NR1H4: variants seen among roughly 807,000 people sequenced by gnomAD.
NR1H4 encodes the protein bile acid receptor.
Under a neutral mutation model 58.5 loss-of-function variants are expected in NR1H4, and 23 were observed. The observed-to-expected ratio is 0.39, with a 90% CI of 0.28 to 0.56. NR1H4 has a LOEUF of 0.56. Ranked by LOEUF, NR1H4 falls within the 20% of genes least tolerant of loss-of-function variation. The pLI is 0.58. For missense variants in NR1H4, 487 were observed against 576.9 expected (o/e 0.84, Z 1.60); for synonymous variants, 214 against 198.0 (o/e 1.08, Z -0.68).
At chr12:100,488,622 T>C (rs2136093712) in intron 1 of NR1H4, among the ~76,000 whole-genome samples, 1 of 152,294 alleles carries the variant, frequency 6.6e-6, no homozygotes, top group South Asian at 2.1e-4. Context: ...GATAAAATTC[T>C]GCCATGAAGT....
intron 5 of NR1H4, among the ~76,000 whole-genome samples, chr12:100,534,653 T>C (rs1954772952): frequency 6.6e-6 from 1 of 152,198 alleles, no homozygotes; most frequent in Non-Finnish European, 1.5e-5. Flanking sequence ...CTCTATGAGG[T>C]AGATATTATT....
At chr12:100,491,564 G>T (rs571881609) in intron 1 of NR1H4, among the ~76,000 whole-genome samples, 18 of 150,872 alleles carry the variant, frequency 1.2e-4, no homozygotes, top group African/African-American at 3.9e-4. Flanking sequence ...GTCTCTAATG[G>T]CTAAGGCTTT....
chr12:100,556,661 TTTGGGAATGTGTG>T (rs1363205323), intron 9 of NR1H4, among the ~76,000 whole-genome samples: 1 of 152,214 alleles, frequency 6.6e-6, no homozygotes, highest in East Asian at 1.9e-4. Flanking sequence ...CCAAAGGCAA[TTTGGGAATGTGTG>T]TTGGATCAAG....
rs1218861836 is a variant in NR1H4 at position 100,519,477 on chromosome 12, A to G, written c.445+8334A>G. On this transcript the variant is annotated intron_variant, in intron 4 of 10. Transcript: ENST00000392986. ...CACCAGTGGGAAAGGTCTCTGTGAC[A>G]CCATCCTGGGGTACTGAGCACACTC... Among the ~76,000 whole-genome samples, 3 of 151,974 alleles carry G rather than the reference A, an allele frequency of 2.0e-5. No individual in the cohort carries two copies. In the East Asian group the frequency reaches 5.8e-4, roughly 29 times the overall value.
intron 1 of NR1H4, among the ~76,000 whole-genome samples, chr12:100,478,187 G>T (rs973985535): frequency 3.9e-5 from 6 of 152,102 alleles, no homozygotes; most frequent in Non-Finnish European, 5.9e-5. Context: ...CATGTGTGTG[G>T]GGGGTGGGGG....
intron 9 of NR1H4, among the ~76,000 whole-genome samples, chr12:100,549,927 G>A (rs549833897): frequency 6.6e-6 from 1 of 152,150 alleles, no homozygotes; most frequent in African/African-American, 2.4e-5. Context: ...TTATTCTTAT[G>A]CTAATACAAT....
intron 9 of NR1H4, among the ~76,000 whole-genome samples, chr12:100,544,104 TAGTC>T (rs1955002155): frequency 6.6e-6 from 1 of 151,564 alleles, no homozygotes; most frequent in Non-Finnish European, 1.5e-5. Flanking sequence ...TACAAACAAT[TAGTC>T]AGGCGTGGTG....
At chr12:100,545,656 A>C (rs1295258828) in intron 9 of NR1H4, among the ~76,000 whole-genome samples, 3 of 147,004 alleles carry the variant, frequency 2.0e-5, no homozygotes, top group African/African-American at 7.8e-5. Context: ...AAAAAAAAAA[A>C]AAAAAAAAAA....
At position 100,510,966 on chromosome 12, in the gene NR1H4, C is replaced by A; in HGVS notation, c.268C>A (p.Arg90Ser). ...CTCTCCTGGAATATATGAACTCAGG[C>A]GTATGCCAGCTGAGACTCTCTACCA... ...WYSPGIYELR[R>S]MPAETLYQGE... is the part of the protein sequence containing the mutation. The change falls in exon 4 of 11, where the codon CGT becomes AGT. Residue 90 changes from arginine to serine, a missense_variant. Arg to Ser is a moderately radical substitution (Grantham distance 110). Transcript: ENST00000392986. 1 of 1,614,192 alleles carries A rather than the reference C, an allele frequency of 6.2e-7. No individual in the cohort carries two copies. Among genetic ancestry groups the A allele is most frequent in the Non-Finnish European group, 8.5e-7 (1 of 1,180,036 alleles).
intron 3 of NR1H4, chr12:100,503,398 A>C (rs751060328): frequency 6.3e-7 from 1 of 1,597,206 alleles, no homozygotes; most frequent in Non-Finnish European, 8.5e-7. Flanking sequence ...ATGGTAATGC[A>C]GTTTCAGGGG....
intron 3 of NR1H4, among the ~76,000 whole-genome samples, chr12:100,504,532 A>G (rs1325962668): frequency 6.6e-6 from 1 of 152,248 alleles, no homozygotes; most frequent in African/African-American, 2.4e-5. Flanking sequence ...AGAAAAGAAT[A>G]TAGTCTAATA....
intron 9 of NR1H4, among the ~76,000 whole-genome samples, chr12:100,554,106 G>A (rs780526163): frequency 6.6e-6 from 1 of 152,134 alleles, no homozygotes; most frequent in Non-Finnish European, 1.5e-5. Flanking sequence ...TAGATGAATC[G>A]GTGTTATTAG....
At position 100,496,540 on chromosome 12, in the gene NR1H4, G is replaced by A. The variant is rs79073069; in HGVS notation, c.79+3138G>A. The stretch of plus-strand genomic sequence containing the variant: ...AACTGCTTTCCCATTAACCAGCTGT[G>A]CAGCCTTGAACAGCTCACTCAAGTT... On this transcript the variant is annotated intron_variant, in intron 3 of 10. Coordinates refer to ENST00000392986, the MANE Select transcript of NR1H4 (RefSeq NM_001206979.2). Among the ~76,000 whole-genome samples the A allele has an allele frequency of 0.021, 3,209 of 152,288 alleles. 297 individuals are homozygous for A. The East Asian group carries it at 0.29, about 14-fold the overall frequency.
At chr12:100,503,357 C>T (rs1303998960) in intron 3 of NR1H4, 4 of 1,588,730 alleles carry the variant, frequency 2.5e-6, no homozygotes, top group Non-Finnish European at 3.4e-6. Flanking sequence ...CTTACCTAGT[C>T]TCATTTTCAG....
At chr12:100,556,992 AT>A (rs544958242) in intron 9 of NR1H4, among the ~76,000 whole-genome samples, 1 of 151,932 alleles carries the variant, frequency 6.6e-6, no homozygotes, top group African/African-American at 2.4e-5. Context: ...GTTAGAAGTA[AT>A]TTTTTTCCTT....
intron 1 of NR1H4, among the ~76,000 whole-genome samples, chr12:100,484,358 T>C (rs1953445722): frequency 6.6e-6 from 1 of 152,174 alleles, no homozygotes; most frequent in African/African-American, 2.4e-5. Flanking sequence ...CCATACGCCA[T>C]GAACTTCCCA....
intron 4 of NR1H4, among the ~76,000 whole-genome samples, chr12:100,522,116 T>C (rs1954436917): frequency 6.6e-6 from 1 of 151,840 alleles, no homozygotes. Context: ...GAGGAGATGA[T>C]GATGATGATG....
At position 100,563,811 on chromosome 12, in the gene NR1H4, T is replaced by A; in HGVS notation, c.*322T>A. The A allele has an allele frequency of 7.6e-6, 2 of 261,888 alleles. No homozygotes were observed. The highest frequency in any genetic ancestry group is 1.5e-5 in the Non-Finnish European group (2 of 137,312). 16.2% of individuals were successfully genotyped at this position (261,888 alleles called of 1,614,324 possible). A position where few individuals can be genotyped will look rare whatever the true frequency, so the allele number is the denominator to read the frequency against. ...TGCTCATCTTACCATATTGCATATA[T>A]TTTATTAAAGAGTTGTATTCAATCT... On this transcript the variant is annotated 3_prime_UTR_variant, in exon 11 of 11. Coordinates refer to ENST00000392986, the MANE Select transcript of NR1H4 (RefSeq NM_001206979.2).
At chr12:100,506,848 C>T (rs991900401) in intron 3 of NR1H4, among the ~76,000 whole-genome samples, 13 of 152,120 alleles carry the variant, frequency 8.5e-5, no homozygotes, top group African/African-American at 2.4e-5. Context: ...GTACGGTTCT[C>T]ATATTTTTAC....
Sources: gnomAD v4.1 joint callset for allele counts (sites outside exome capture counted in the v4.1 genomes callset) on GRCh38, gnomAD v4.1.1 for gene constraint, MANE v1.5 for transcripts, NCBI Gene and HGNC (gene_info 2026-07-23, HGNC 2026-07-21) for gene names.